The following BBS12 variants were observed in gnomAD, a reference collection of about 807,000 sequenced individuals.
BBS12 encodes Bardet-Biedl syndrome 12.
BBS12 carries 5 observed loss-of-function variants against 5.6 expected under a neutral mutation model. That is an observed-to-expected ratio of 0.89 (90% CI 0.46 to 1.86). The LOEUF is 1.86. Among genes scored for constraint, BBS12 ranks in the 40% most tolerant of loss-of-function variants. BBS12 has a pLI of 0.01. For missense variants in BBS12, 748 were observed against 830.4 expected, an observed-to-expected ratio of 0.90 and a Z score of 1.22; for synonymous variants, 308 against 306.8, an observed-to-expected ratio of 1.00 and a Z score of -0.04.
At chr4:122,702,484 T>C in the BBS12 span, among the ~76,000 whole-genome samples, 1 of 152,178 alleles carries the variant, frequency 6.6e-6, no homozygotes, top group African/African-American at 2.4e-5. Flanking sequence ...CCTAACACTT[T>C]GCTGAAAAAT....
the BBS12 span, among the ~76,000 whole-genome samples, chr4:122,707,688 A>G: frequency 2.3e-4 from 35 of 152,162 alleles, no homozygotes; most frequent in Admixed American, 6.5e-4. Context: ...GGCCAGTTGC[A>G]CAGGTGCTGG....
chr4:122,740,592 G>T (rs1156909916), intron 1 of BBS12, among the ~76,000 whole-genome samples: 1 of 152,082 alleles, frequency 6.6e-6, no homozygotes, highest in African/African-American at 2.4e-5. Context: ...TTGTAATCCC[G>T]GCAATTAACA....
chr4:122,706,367 C>G, the BBS12 span, among the ~76,000 whole-genome samples: 1 of 152,280 alleles, frequency 6.6e-6, no homozygotes, highest in South Asian at 2.1e-4. Flanking sequence ...GGGAGTTGTG[C>G]AGATTTTTAA....
At position 122,742,795 on chromosome 4, in the gene BBS12, A is replaced by G; in HGVS notation, c.903A>G (p.Gln301=). The change falls in exon 2 of 2, where the codon CAA becomes CAG. Residue 301 remains glutamine (Q), a synonymous_variant. Transcript: ENST00000314218. ...QLQYQNACVQ[Q]GNCTKPFMFD... is the part of the protein sequence containing the mutation. ...AATATCAGAATGCTTGTGTGCAACA[A>G]GGCAACTGTACAAAACCATTTATGT... 6.2e-7 allele frequency: 1 copy of G among 1,614,252 alleles called. No homozygotes were observed. The highest frequency in any genetic ancestry group is 8.5e-7 in the Non-Finnish European group (1 of 1,180,042).
At chr4:122,707,960 C>T in the BBS12 span, among the ~76,000 whole-genome samples, 2 of 148,562 alleles carry the variant, frequency 1.3e-5, no homozygotes, top group Admixed American at 6.7e-5. Context: ...TTCCTTCCTT[C>T]CTTCCTTCCT....
the BBS12 span, among the ~76,000 whole-genome samples, chr4:122,715,476 G>GT: frequency 6.6e-6 from 1 of 152,094 alleles, no homozygotes; most frequent in Admixed American, 6.5e-5. Context: ...CCCCTACCTG[G>GT]TAGGTTGAAG....
At chr4:122,721,251 A>G in the BBS12 span, among the ~76,000 whole-genome samples, 1 of 152,202 alleles carries the variant, frequency 6.6e-6, no homozygotes, top group Admixed American at 6.5e-5. Flanking sequence ...GCATAAAAGA[A>G]TGAAGAGCAC....
chr4:122,724,740 T>C, the BBS12 span, among the ~76,000 whole-genome samples: 3 of 152,208 alleles, frequency 2.0e-5, no homozygotes, highest in Non-Finnish European at 4.4e-5. Context: ...TCAAGAGTTC[T>C]GTCCTGGTCT....
chr4:122,741,875 G>A lies in BBS12; in HGVS notation c.-10-8G>A, dbSNP rs1198058722. 1.2e-6 allele frequency: 2 copies of A among 1,609,454 alleles called. No homozygotes were observed. The highest frequency in any genetic ancestry group is 2.2e-5 in the South Asian group (2 of 90,854). On this transcript the variant is annotated splice_polypyrimidine_tract_variant and splice_region_variant and intron_variant, in intron 1 of 1. Transcript: ENST00000314218. Reference sequence around the variant, plus strand: ...GAATAAAGTTACAAGTTTTTATTTTGTTTGCAGATCATGATACATGGTGAT... The same window carrying A: ...GAATAAAGTTACAAGTTTTTATTTTATTTGCAGATCATGATACATGGTGAT...
the BBS12 span, among the ~76,000 whole-genome samples, chr4:122,723,279 C>T: frequency 3.9e-5 from 6 of 152,090 alleles, no homozygotes; most frequent in Non-Finnish European, 8.8e-5. Context: ...AGTTTGGAAG[C>T]GTTATCTCTT....
rs767068756 is a variant in BBS12 at position 122,742,947 on chromosome 4, A to C, written c.1055A>C (p.Gln352Pro). 45 of 1,614,238 alleles carry C rather than the reference A, an allele frequency of 2.8e-5. No individual in the cohort carries two copies. In the South Asian group the frequency reaches 4.8e-4, roughly 17 times the overall value. Residue 352 changes from glutamine to proline, a missense_variant, in exon 2 of 2, where the codon CAG (glutamine) becomes CCG (proline). Gln to Pro is a moderately conservative substitution (Grantham distance 76, BLOSUM62 -1). Coordinates refer to ENST00000314218, the MANE Select transcript of BBS12 (RefSeq NM_152618.3). ...NNPVIKELQN[Q>P]PVRIVLIEGD... is the part of the protein sequence containing the mutation. Reference sequence around the variant, plus strand: ...CCTGTGATCAAGGAATTGCAGAATCAGCCTGTGCGAATAGTTCTCATTGAG... The same window carrying C: ...CCTGTGATCAAGGAATTGCAGAATCCGCCTGTGCGAATAGTTCTCATTGAG...
intron 1 of BBS12, among the ~76,000 whole-genome samples, chr4:122,733,517 G>C (rs1442986320): frequency 1.3e-5 from 2 of 152,028 alleles, no homozygotes; most frequent in Admixed American, 1.3e-4. Context: ...CAGGTAGTCT[G>C]ATTATCCAGT....
rs188846546 is a variant in BBS12 at position 122,733,163 on chromosome 4, C to A, written c.-11+279C>A. Among the ~76,000 whole-genome samples the A allele has an allele frequency of 3.9e-5, 6 of 152,256 alleles. No individual in the cohort carries two copies. In the East Asian group the frequency reaches 1.2e-3, roughly 29 times the overall value. ...TCCCTGTTTTGGGCAGGGATTCTGG[C>A]ATGGTAGACACCAGAATTCTGTATA... On this transcript the variant is annotated intron_variant, in intron 1 of 1. Coordinates refer to ENST00000314218, the MANE Select transcript of BBS12 (RefSeq NM_152618.3).
At chr4:122,732,653 C>T (rs984134459), upstream of BBS12, 3 of 152,458 alleles carry the variant, frequency 2.0e-5, no homozygotes, top group African/African-American at 4.8e-5. Flanking sequence ...AGCGTGACGT[C>T]CCCGCCTTTC....
At chr4:122,729,910 G>T (rs1293651015), upstream of BBS12, 1 of 152,170 alleles carries the variant, frequency 6.6e-6, no homozygotes, top group Non-Finnish European at 1.5e-5. Context: ...TCGCACCACT[G>T]CACTCCAGCC....
At chr4:122,734,486 T>TC (rs981069408) in intron 1 of BBS12, among the ~76,000 whole-genome samples, 25 of 152,164 alleles carry the variant, frequency 1.6e-4, no homozygotes, top group Non-Finnish European at 3.1e-4. Flanking sequence ...CAGGATGGTC[T>TC]CCATCTCCTG....
chr4:122,738,904 G>A (rs1407783888), intron 1 of BBS12, among the ~76,000 whole-genome samples: 1 of 152,142 alleles, frequency 6.6e-6, no homozygotes, highest in African/African-American at 2.4e-5. Flanking sequence ...CCCAGTTCAT[G>A]TCCTTCTAGC....
chr4:122,741,289 C>A (rs1346225313), intron 1 of BBS12, among the ~76,000 whole-genome samples: 2 of 152,136 alleles, frequency 1.3e-5, no homozygotes, highest in Non-Finnish European at 2.9e-5. Flanking sequence ...TGGGTTCAAG[C>A]GATTCTTCTG....
At chr4:122,734,485 CT>C (rs1208072391) in intron 1 of BBS12, among the ~76,000 whole-genome samples, 1 of 152,126 alleles carries the variant, frequency 6.6e-6, no homozygotes, top group Non-Finnish European at 1.5e-5. Flanking sequence ...CCAGGATGGT[CT>C]CCATCTCCTG....
Sources: allele counts gnomAD v4.1 joint callset (sites outside exome capture counted in the v4.1 genomes callset), GRCh38; gene constraint gnomAD v4.1.1; transcripts MANE v1.5; gene names NCBI Gene and HGNC (gene_info 2026-07-23, HGNC 2026-07-21).